The following TMTC2 variants were observed in gnomAD, a reference collection of about 807,000 sequenced individuals.
TMTC2 encodes the protein transmembrane O-mannosyltransferase targeting cadherins 2, also known as protein O-mannosyl-transferase TMTC2.
Under a neutral mutation model 82.4 loss-of-function variants are expected in TMTC2, and 43 were observed. That is an observed-to-expected ratio of 0.52 (90% CI 0.41 to 0.67). The LOEUF is 0.67. TMTC2 is among the 30% of genes least tolerant of loss of function. The pLI is 0.00. For synonymous variants in TMTC2, 408 were observed against 381.9 expected (o/e 1.07, Z -0.80); for missense variants, 919 against 1,012.4 (o/e 0.91, Z 1.25).
At chr12:83,035,015 T>C (rs1881603904) in intron 9 of TMTC2, among the ~76,000 whole-genome samples, 1 of 152,174 alleles carries the variant, frequency 6.6e-6, no homozygotes, top group African/African-American at 2.4e-5. Context: ...TATATGTGTT[T>C]TGAGTCTTTT....
intron 1 of TMTC2, among the ~76,000 whole-genome samples, chr12:82,846,143 G>C (rs1206404597): frequency 1.3e-5 from 2 of 152,064 alleles, no homozygotes; most frequent in African/African-American, 4.8e-5. Flanking sequence ...CAGATCACTT[G>C]AGGTCAGGAG....
At chr12:82,995,798 T>A (rs535574678) in intron 8 of TMTC2, among the ~76,000 whole-genome samples, 83 of 152,284 alleles carry the variant, frequency 5.5e-4, no homozygotes, top group Admixed American at 1.2e-3. Context: ...AATTGCTTTG[T>A]TTGTTTGTTT....
In TMTC2 at chr12:82,895,984, T is replaced by G; in HGVS notation, c.821T>G (p.Phe274Cys). The G allele has an allele frequency of 6.2e-7, 1 of 1,613,868 alleles. No individual in the cohort carries two copies. The highest frequency in any genetic ancestry group is 8.5e-7 in the Non-Finnish European group (1 of 1,179,998). Residue 274 changes from phenylalanine (F) to cysteine (C), a missense_variant, in exon 3 of 12, where the codon TTC becomes TGC. Phe to Cys is a radical substitution (Grantham distance 205). Coordinates refer to ENST00000321196, the MANE Select transcript of TMTC2 (RefSeq NM_152588.3). ...DSLLTRTLTF[F>C]YLPTKNLWLL... ...CTCCTCACCCGCACTCTCACCTTCT[T>G]CTACTTGCCAACCAAGAACCTCTGG... is the stretch of plus-strand genomic sequence containing the variant.
intron 4 of TMTC2, among the ~76,000 whole-genome samples, chr12:82,957,541 A>T (rs1487365423): frequency 6.6e-6 from 1 of 152,138 alleles, no homozygotes; most frequent in African/African-American, 2.4e-5. Context: ...AACAGAACTG[A>T]ATGAATTTGA....
At chr12:82,873,213 TTGTGTGTGTGTGTG>T (rs35177760) in intron 2 of TMTC2, among the ~76,000 whole-genome samples, 3 of 143,534 alleles carry the variant, frequency 2.1e-5, no homozygotes, top group Admixed American at 6.9e-5. Flanking sequence ...TTCAAAGATG[TTGTGTGTGTGTGTG>T]TGTGTGTGTG....
chr12:82,785,733 A>C (rs1878147964), intron 1 of TMTC2, among the ~76,000 whole-genome samples: 1 of 152,086 alleles, frequency 6.6e-6, no homozygotes, highest in Non-Finnish European at 1.5e-5. Flanking sequence ...CCTGATTTAC[A>C]ATCCTGAAAC....
At chr12:82,960,533 C>A (rs538616008) in intron 4 of TMTC2, among the ~76,000 whole-genome samples, 1 of 152,042 alleles carries the variant, frequency 6.6e-6, no homozygotes, top group Admixed American at 6.6e-5. Context: ...AACAGAAAAC[C>A]AAATACTGCA....
chr12:83,049,082 G>A (rs2137453943), intron 9 of TMTC2, among the ~76,000 whole-genome samples: 1 of 151,984 alleles, frequency 6.6e-6, no homozygotes, highest in South Asian at 2.1e-4. Context: ...GTAAATAATG[G>A]GCTCTTTGGC....
chr12:83,073,263 T>C (rs1157226251), intron 11 of TMTC2, among the ~76,000 whole-genome samples: 1 of 152,156 alleles, frequency 6.6e-6, no homozygotes, highest in Non-Finnish European at 1.5e-5. Flanking sequence ...TACAAAATTC[T>C]TGGCTGATAA....
intron 11 of TMTC2, among the ~76,000 whole-genome samples, chr12:83,110,047 C>T (rs1162356686): frequency 3.9e-5 from 6 of 152,130 alleles, no homozygotes; most frequent in Non-Finnish European, 5.9e-5. Context: ...ATATCTTCAC[C>T]TGTCATTATA....
chr12:82,787,771 C>T (rs148324133), intron 1 of TMTC2, among the ~76,000 whole-genome samples: 6,737 of 151,982 alleles, frequency 0.044, 234 homozygotes, highest in Middle Eastern at 0.14. Context: ...ATTAGCCAGG[C>T]GTGGTGGTGT....
chr12:82,897,297 T>G (rs1412627359), intron 3 of TMTC2, among the ~76,000 whole-genome samples: 1 of 152,202 alleles, frequency 6.6e-6, no homozygotes, highest in Admixed American at 6.5e-5. Flanking sequence ...ATTATACCAT[T>G]CATGATTGCT....
intron 8 of TMTC2, among the ~76,000 whole-genome samples, chr12:82,997,441 G>A (rs2137360880): frequency 1.3e-5 from 1 of 78,934 alleles, no homozygotes; most frequent in Non-Finnish European, 2.7e-5. Context: ...CACAGAGAGA[G>A]AGAACTATAA....
chr12:82,802,623 A>G (rs1415381527), intron 1 of TMTC2, among the ~76,000 whole-genome samples: 1 of 152,194 alleles, frequency 6.6e-6, no homozygotes, highest in Non-Finnish European at 1.5e-5. Flanking sequence ...TCCTTGAAAG[A>G]TAAAATTGAT....
chr12:82,900,714 T>TATATATATAGGAATATATATCTCTGGA, intron 3 of TMTC2, among the ~76,000 whole-genome samples: 1 of 98,254 alleles, frequency 1.0e-5, no homozygotes, highest in South Asian at 3.0e-4. Flanking sequence ...ATCTCTGGAA[T>TATATATATAGGAATATATATCTCTGGA]ATATATATAT....
intron 1 of TMTC2, among the ~76,000 whole-genome samples, chr12:82,739,347 G>T (rs151153404): frequency 2.0e-5 from 3 of 152,052 alleles, no homozygotes; most frequent in East Asian, 1.9e-4. Flanking sequence ...TTGTGAGCAG[G>T]TGTGGCCATA....
At position 82,994,137 on chromosome 12, in the gene TMTC2, G is replaced by A. The variant is rs375522142; in HGVS notation, c.2070+8091G>A. Among the ~76,000 whole-genome samples, 10 of 152,122 alleles carry A rather than the reference G, an allele frequency of 6.6e-5. No homozygotes were observed. In the South Asian group the frequency reaches 1.9e-3, roughly 28 times the overall value. On this transcript the variant is annotated intron_variant, in intron 8 of 11. Coordinates refer to ENST00000321196, the MANE Select transcript of TMTC2 (RefSeq NM_152588.3). Reference sequence around the variant, plus strand: ...GTAATTTTTTATTAACTCCCCAGGGGTCCACACATTTTTAAAATTTTATTT... The same window carrying A: ...GTAATTTTTTATTAACTCCCCAGGGATCCACACATTTTTAAAATTTTATTT...
intron 3 of TMTC2, among the ~76,000 whole-genome samples, chr12:82,907,278 A>C (rs1874371972): frequency 6.6e-6 from 1 of 151,820 alleles, no homozygotes; most frequent in South Asian, 2.1e-4. Context: ...CCTGGCTAGC[A>C]TGGTGAAACC....
intron 2 of TMTC2, among the ~76,000 whole-genome samples, chr12:82,890,900 C>A (rs1208400353): frequency 6.6e-6 from 1 of 152,112 alleles, no homozygotes; most frequent in Non-Finnish European, 1.5e-5. Context: ...TTCTAATGCT[C>A]CCTATCAAAG....
Sources: allele counts gnomAD v4.1 joint callset (sites outside exome capture counted in the v4.1 genomes callset), GRCh38; gene constraint gnomAD v4.1.1; transcripts MANE v1.5; gene names NCBI Gene and HGNC (gene_info 2026-07-23, HGNC 2026-07-21).